Variants in DLG1 observed in about 807,000 individuals in gnomAD.
DLG1 encodes the protein disks large homolog 1.
DLG1 carries 42 observed loss-of-function variants against 123.4 expected under a neutral mutation model. The observed-to-expected ratio is 0.34, with a 90% CI of 0.27 to 0.44. The LOEUF is 0.44. Among genes scored for constraint, DLG1 ranks in the 20% least tolerant of loss-of-function variants. The pLI, the probability that DLG1 is intolerant of heterozygous loss-of-function variation, is 1.00. For synonymous variants in DLG1, 317 were observed against 356.2 expected (o/e 0.89, Z 1.24); for missense variants, 942 against 1,082.6 (o/e 0.87, Z 1.82).
chr3:197,234,477 C>T (rs1744906007), intron 4 of DLG1, among the ~76,000 whole-genome samples: 1 of 152,156 alleles, frequency 6.6e-6, no homozygotes, highest in South Asian at 2.1e-4. Flanking sequence ...TCTAATCAAT[C>T]CCACATTCTC....
At chr3:197,197,815 T>C (rs181444644) in intron 4 of DLG1, among the ~76,000 whole-genome samples, 13 of 152,298 alleles carry the variant, frequency 8.5e-5, no homozygotes, top group African/African-American at 2.6e-4. Flanking sequence ...ATCAATGGAA[T>C]TGAATAAAGA....
chr3:197,226,189 A>G (rs1489660646), intron 4 of DLG1: 2 of 152,210 alleles, frequency 1.3e-5, no homozygotes, highest in Non-Finnish European at 2.9e-5. Flanking sequence ...CTGCATAATA[A>G]AACTGCTTCA....
intron 11 of DLG1, among the ~76,000 whole-genome samples, chr3:197,127,021 C>T (rs1173055767): frequency 6.6e-6 from 1 of 152,114 alleles, no homozygotes; most frequent in East Asian, 1.9e-4. Context: ...ACGGGTTCTT[C>T]AAACATTAAC....
chr3:197,045,470 G>A (rs1400050833), intron 24 of DLG1, among the ~76,000 whole-genome samples: 1 of 152,146 alleles, frequency 6.6e-6, no homozygotes, highest in African/African-American at 2.4e-5. Flanking sequence ...GTTGGGCATG[G>A]TGGCTCATGC....
At chr3:197,264,538 T>C (rs1470511733) in intron 4 of DLG1, among the ~76,000 whole-genome samples, 2 of 152,172 alleles carry the variant, frequency 1.3e-5, no homozygotes, top group Admixed American at 6.5e-5. Context: ...ATGATTCTCC[T>C]GCCTCAGCCT....
intron 3 of DLG1, among the ~76,000 whole-genome samples, chr3:197,295,324 A>G (rs777473732): frequency 6.6e-6 from 1 of 152,214 alleles, no homozygotes; most frequent in Non-Finnish European, 1.5e-5. Context: ...CTGACAGGAC[A>G]CACTGACTTG....
At chr3:197,086,044 T>C (rs766139529) in intron 15 of DLG1, among the ~76,000 whole-genome samples, 6 of 151,986 alleles carry the variant, frequency 3.9e-5, no homozygotes, top group Non-Finnish European at 8.8e-5. Flanking sequence ...AATTCTAAAA[T>C]AGACAAATCC....
At chr3:197,183,497 A>T (rs533120195) in intron 5 of DLG1, 20 of 1,301,074 alleles carry the variant, frequency 1.5e-5, no homozygotes, top group Non-Finnish European at 2.0e-5. Flanking sequence ...TTAAATAAAA[A>T]ATCTATATTA....
chr3:197,066,551 T>C (rs1293664829), intron 20 of DLG1, among the ~76,000 whole-genome samples, 153 bp downstream of exon 20: 3 of 152,174 alleles, frequency 2.0e-5, no homozygotes, highest in Non-Finnish European at 4.4e-5. Flanking sequence ...GAGTAAACTA[T>C]GTTTCATAAA....
rs140106628 is a variant in DLG1, at chr3:197,216,006, C to G, written c.319-21417G>C. Among the ~76,000 whole-genome samples the G allele has an allele frequency of 4.5e-3, 680 of 152,254 alleles. 12 individuals are homozygous for G. The highest frequency in any genetic ancestry group is 0.034 in the Admixed American group (521 of 15,292). ...AAATGACCAAGAAACCATACTCTGT[C>G]AAACTTTTGTATACCACTAGGGTTC... is the stretch of plus-strand genomic sequence containing the variant. On this transcript the variant is annotated intron_variant, in intron 4 of 24. Transcript: ENST00000667157.
intron 4 of DLG1, among the ~76,000 whole-genome samples, chr3:197,272,075 C>G (rs1241254853): frequency 6.6e-6 from 1 of 152,216 alleles, no homozygotes; most frequent in Non-Finnish European, 1.5e-5. Context: ...CCCCAGCTAA[C>G]ACATCACAGT....
At chr3:197,289,309 T>C (rs1284499548) in intron 3 of DLG1, among the ~76,000 whole-genome samples, 1 of 150,548 alleles carries the variant, frequency 6.6e-6, no homozygotes, top group Non-Finnish European at 1.5e-5. Context: ...TTTTGCAAAA[T>C]GAAGGTGGGG....
chr3:197,081,631 C>T (rs1049271109), intron 16 of DLG1, among the ~76,000 whole-genome samples: 2 of 152,006 alleles, frequency 1.3e-5, no homozygotes, highest in African/African-American at 4.8e-5. Flanking sequence ...AAAATTAAGC[C>T]TAATTTTAAT....
At chr3:197,296,266 T>C (rs988963930) in intron 3 of DLG1, 80 bp downstream of exon 3, 5 of 1,381,922 alleles carry the variant, frequency 3.6e-6, no homozygotes, top group Non-Finnish European at 5.0e-6. Flanking sequence ...AAGTACATCA[T>C]TTTCTTAAGT....
At position 197,067,551 on chromosome 3, in the gene DLG1, G is replaced by GTTTTTTT. The variant is rs199907948; in HGVS notation, c.2048-804_2048-798dup. On this transcript the variant is annotated intron_variant, in intron 19 of 24. Coordinates refer to ENST00000667157, the MANE Select transcript of DLG1 (RefSeq NM_001366207.1). ...AAATAAATAGTTAAAAACTCTGAGA[G>GTTTTTTT]TTTTTTTTTTTTTTTTTTTTTTTGA... Among the ~76,000 whole-genome samples, 36 of 107,390 alleles carry GTTTTTTT rather than the reference G, an allele frequency of 3.4e-4. 1 individual carries two copies. The highest frequency in any genetic ancestry group is 8.7e-4 in the African/African-American group (22 of 25,270). The allele number at this position is 107,390 out of a possible 152,430, so 70.5% of individuals were successfully genotyped here.
At chr3:197,104,580 G>T (rs1465424250) in intron 14 of DLG1, among the ~76,000 whole-genome samples, 1 of 152,154 alleles carries the variant, frequency 6.6e-6, no homozygotes, top group Non-Finnish European at 1.5e-5. Flanking sequence ...TACTTGGGAG[G>T]CTGAGGCAGG....
intron 5 of DLG1, among the ~76,000 whole-genome samples, chr3:197,151,798 T>C (rs1393792053): frequency 6.6e-6 from 1 of 151,770 alleles, no homozygotes; most frequent in African/African-American, 2.4e-5. Context: ...ATCCTAGCAC[T>C]GTGGGAGGCC....
At chr3:197,154,746 A>G (rs574460170) in intron 5 of DLG1, among the ~76,000 whole-genome samples, 14 of 152,308 alleles carry the variant, frequency 9.2e-5, no homozygotes, top group African/African-American at 3.1e-4. Context: ...GGAAATATCA[A>G]TGAAGAGAAA....
intron 13 of DLG1, among the ~76,000 whole-genome samples, chr3:197,114,987 GAAAAAAAA>G (rs375841391): frequency 8.1e-5 from 7 of 86,064 alleles, no homozygotes; most frequent in African/African-American, 3.5e-4. Context: ...CCATCTCAAG[GAAAAAAAA>G]AAAAAAAAAA....
Sources: allele counts gnomAD v4.1 joint callset (sites outside exome capture counted in the v4.1 genomes callset), GRCh38; gene constraint gnomAD v4.1.1; transcripts MANE v1.5; gene names NCBI Gene and HGNC (gene_info 2026-07-23, HGNC 2026-07-21).